Variants in CUX1 observed in about 807,000 individuals in gnomAD.
The protein encoded by CUX1 is protein CASP.
In CUX1, 31 loss-of-function variants were observed where a neutral mutation model predicts 158.8. The observed-to-expected ratio is 0.20, with a 90% CI of 0.15 to 0.26. The LOEUF is 0.26. Ranked by LOEUF, CUX1 falls within the 10% of genes least tolerant of loss-of-function variation. The pLI is 1.00. For synonymous variants in CUX1, 879 were observed against 862.1 expected (o/e 1.02, Z -0.34); for missense variants, 1,589 against 2,014.6 (o/e 0.79, Z 4.04).
intron 2 of CUX1, among the ~76,000 whole-genome samples, chr7:102,005,242 C>T (rs1467964312): frequency 1.3e-5 from 2 of 152,244 alleles, no homozygotes; most frequent in Non-Finnish European, 1.5e-5. Flanking sequence ...AAAATCTCCA[C>T]TGGGCCGGGC....
In CUX1 at chr7:102,032,789, A is replaced by G. The variant is rs534108355; in HGVS notation, c.189+4644A>G. Among the ~76,000 whole-genome samples the G allele has an allele frequency of 2.0e-5, 3 of 152,360 alleles. No homozygotes were observed. In the East Asian group the frequency reaches 5.8e-4, roughly 29 times the overall value. On this transcript the variant is annotated intron_variant, in intron 3 of 23. Transcript: ENST00000292535. ...GAAATTAGATATCGATTGATTGATT[A>G]TGATACCTAATTTTGGGTGTTTCAC... is the stretch of plus-strand genomic sequence containing the variant.
chr7:102,207,188 C>A (rs1173717385), intron 20 of CUX1, among the ~76,000 whole-genome samples: 1 of 152,068 alleles, frequency 6.6e-6, no homozygotes, highest in East Asian at 1.9e-4. Context: ...TGGGCAATCT[C>A]GCAGATTGGA....
intron 5 of CUX1, among the ~76,000 whole-genome samples, chr7:102,101,834 C>T (rs1829805174): frequency 6.6e-6 from 1 of 151,716 alleles, no homozygotes; most frequent in Non-Finnish European, 1.5e-5. Flanking sequence ...ATTGTGTGAA[C>T]CTGGGAGGCA....
chr7:102,210,124 T>G (rs1199498545), intron 20 of CUX1, among the ~76,000 whole-genome samples: 1 of 151,936 alleles, frequency 6.6e-6, no homozygotes, highest in African/African-American at 2.4e-5. Flanking sequence ...TGAGATGGAG[T>G]CTCGTTCTGT....
intron 10 of CUX1, among the ~76,000 whole-genome samples, chr7:102,171,601 C>G (rs1791726439): frequency 6.6e-6 from 1 of 152,000 alleles, no homozygotes; most frequent in Non-Finnish European, 1.5e-5. Context: ...GCGCACACCA[C>G]CACACCTGGC....
intron 5 of CUX1, among the ~76,000 whole-genome samples, chr7:102,098,364 C>A (rs1166384996): frequency 1.3e-5 from 2 of 152,160 alleles, no homozygotes; most frequent in African/African-American, 2.4e-5. Context: ...GTAATCCCAG[C>A]GCTTTGAGAG....
chr7:102,128,567 G>A (rs1432501403), intron 8 of CUX1, among the ~76,000 whole-genome samples: 1 of 151,370 alleles, frequency 6.6e-6, no homozygotes, highest in Non-Finnish European at 1.5e-5. Context: ...CACAGCATGA[G>A]TCACGGTGGG....
At position 102,251,360 on chromosome 7, in the gene CUX1, C is replaced by T; in HGVS notation, c.*2318C>T. ...GTAAGATGTGAAACCACGTTTCTTG[C>T]ATGATGTTTTAGAGATTATTTCATT... On this transcript the variant is annotated 3_prime_UTR_variant, in exon 24 of 24. Coordinates refer to ENST00000292535, the MANE Select transcript of CUX1 (RefSeq NM_181552.4). The T allele has an allele frequency of 1.0e-6, 1 of 985,336 alleles. No individual in the cohort carries two copies. The highest frequency in any genetic ancestry group is 1.2e-6 in the Non-Finnish European group (1 of 829,916). The allele number at this position is 985,336 out of a possible 1,614,324, so 61.0% of individuals were successfully genotyped here. A position where few individuals can be genotyped will look rare whatever the true frequency, so the allele number is the denominator to read the frequency against.
intron 23 of CUX1, among the ~76,000 whole-genome samples, chr7:102,243,666 A>AATAATAATAATG: frequency 6.8e-6 from 1 of 147,120 alleles, no homozygotes; most frequent in Non-Finnish European, 1.5e-5. Flanking sequence ...TAATAATAAT[A>AATAATAATAATG]ATAATAATAA....
At chr7:102,017,635 C>A (rs990468141) in intron 2 of CUX1, among the ~76,000 whole-genome samples, 4 of 152,206 alleles carry the variant, frequency 2.6e-5, no homozygotes, top group Non-Finnish European at 4.4e-5. Flanking sequence ...CACCTGAGGT[C>A]AGGAGTTTCA....
At chr7:102,126,822 T>C (rs1462115167) in intron 8 of CUX1, among the ~76,000 whole-genome samples, 4 of 152,164 alleles carry the variant, frequency 2.6e-5, no homozygotes, top group African/African-American at 9.7e-5. Context: ...CATTGTAATA[T>C]ATAATGAAAT....
rs138896335 is a variant in CUX1, at chr7:102,120,114, G to A, written c.674+4841G>A. Among the ~76,000 whole-genome samples, 351 of 152,308 alleles carry A rather than the reference G, an allele frequency of 2.3e-3. 1 individual carries two copies. The highest frequency in any genetic ancestry group is 2.9e-3 in the Non-Finnish European group (195 of 68,030). ...CTCACTGCCCCAAGTTCCTGCATCC[G>A]TCTCCTGCAGCTGTTCACTTACTTG... On this transcript the variant is annotated intron_variant, in intron 8 of 23. Coordinates refer to ENST00000292535, the MANE Select transcript of CUX1 (RefSeq NM_181552.4).
intron 23 of CUX1, among the ~76,000 whole-genome samples, chr7:102,240,908 T>C (rs1216983724): frequency 6.6e-6 from 1 of 152,030 alleles, no homozygotes; most frequent in Non-Finnish European, 1.5e-5. Context: ...GCAGCCTCCT[T>C]CTCCCAGGTT....
intron 17 of CUX1, among the ~76,000 whole-genome samples, chr7:102,276,182 C>G (rs1791595284): frequency 1.3e-5 from 2 of 152,148 alleles, no homozygotes; most frequent in Admixed American, 1.3e-4. Flanking sequence ...AAGTCTCTGC[C>G]TTCAATTCTT....
intron 2 of CUX1, among the ~76,000 whole-genome samples, chr7:101,954,303 T>C (rs776684978): frequency 3.3e-5 from 5 of 152,220 alleles, no homozygotes; most frequent in Non-Finnish European, 7.3e-5. Context: ...TGAGCTATGA[T>C]GGTGCCACTG....
intron 2 of CUX1, among the ~76,000 whole-genome samples, chr7:102,019,709 C>T (rs540814443): frequency 1.3e-5 from 2 of 152,306 alleles, no homozygotes; most frequent in East Asian, 1.9e-4. Context: ...AGTTGTACCA[C>T]GTACCACGCA....
At chr7:101,920,872 T>C (rs1355260033) in intron 2 of CUX1, among the ~76,000 whole-genome samples, 1 of 152,198 alleles carries the variant, frequency 6.6e-6, no homozygotes, top group Non-Finnish European at 1.5e-5. Flanking sequence ...TTTGTTTTTT[T>C]TGGAATATAG....
chr7:101,965,555 A>C (rs1006001251), intron 2 of CUX1, among the ~76,000 whole-genome samples: 9 of 152,112 alleles, frequency 5.9e-5, no homozygotes, highest in African/African-American at 2.2e-4. Flanking sequence ...AGCGTTAAAA[A>C]ATGATGACTT....
At chr7:101,904,415 G>T (rs1802521737) in intron 1 of CUX1, among the ~76,000 whole-genome samples, 1 of 152,124 alleles carries the variant, frequency 6.6e-6, no homozygotes, top group Admixed American at 6.6e-5. Context: ...TTTTCTGGGG[G>T]TGTGCTGAAC....
Sources: allele counts gnomAD v4.1 joint callset (sites outside exome capture counted in the v4.1 genomes callset), GRCh38; gene constraint gnomAD v4.1.1; transcripts MANE v1.5; gene names NCBI Gene and HGNC (gene_info 2026-07-23, HGNC 2026-07-21).